Variants in CNTN4 observed in about 807,000 individuals in gnomAD.
The protein encoded by CNTN4 is contactin-4.
CNTN4 carries 77 observed loss-of-function variants against 122.5 expected under a neutral mutation model. The observed-to-expected ratio is 0.63, with a 90% confidence interval of 0.52 to 0.76. The LOEUF (loss-of-function observed/expected upper bound fraction) is 0.76, where lower values mean the gene tolerates loss of function less well. Ranked by LOEUF, CNTN4 falls within the 30% of genes least tolerant of loss-of-function variation. The pLI, the probability that CNTN4 is intolerant of heterozygous loss-of-function variation, is 0.00. For missense variants in CNTN4, 1,256 were observed against 1,259.1 expected, an observed-to-expected ratio of 1.00 and a Z score of 0.04; for synonymous variants, 512 against 447.0, an observed-to-expected ratio of 1.15 and a Z score of -1.83.
At chr3:2,672,722 C>T (rs901613868) in intron 4 of CNTN4, among the ~76,000 whole-genome samples, 11 of 152,214 alleles carry the variant, frequency 7.2e-5, no homozygotes, top group African/African-American at 2.4e-4. Flanking sequence ...GGAGCTGTTC[C>T]TATTCGGCCA....
chr3:2,298,815 A>G (rs2042402231), intron 2 of CNTN4, among the ~76,000 whole-genome samples: 1 of 152,178 alleles, frequency 6.6e-6, no homozygotes, highest in South Asian at 2.1e-4. Flanking sequence ...AAATTAACCT[A>G]TTACCTGTAT....
In CNTN4 at chr3:3,012,706, C is replaced by T. The variant is rs1377822307; in HGVS notation, c.1487-13396C>T. On this transcript the variant is annotated intron_variant, in intron 14 of 24. Coordinates refer to ENST00000418658, the MANE Select transcript of CNTN4 (RefSeq NM_175607.3). ...TGCATTGGCTGGGCGCCGTGGCTCA[C>T]GCCTGTAATCCCAGCACTTTGGGAG... 6.6e-5 allele frequency among the ~76,000 whole-genome samples: 10 copies of T among 152,258 alleles called. No individual in the cohort carries two copies. In the East Asian group the frequency reaches 1.2e-3, roughly 18 times the overall value.
At chr3:2,655,884 C>A (rs996288215) in intron 4 of CNTN4, among the ~76,000 whole-genome samples, 5 of 152,216 alleles carry the variant, frequency 3.3e-5, no homozygotes, top group African/African-American at 1.2e-4. Context: ...TTGCAAATAT[C>A]TGAATGCCCA....
chr3:2,464,855 T>C (rs1478512223), intron 3 of CNTN4, among the ~76,000 whole-genome samples: 1 of 152,220 alleles, frequency 6.6e-6, no homozygotes, highest in Non-Finnish European at 1.5e-5. Flanking sequence ...TCTCCTTCCC[T>C]GGCATGTAGC....
At chr3:2,997,693 A>G (rs1695656069) in intron 14 of CNTN4, among the ~76,000 whole-genome samples, 1 of 152,208 alleles carries the variant, frequency 6.6e-6, no homozygotes, top group Admixed American at 6.5e-5. Flanking sequence ...TCTCTGATTT[A>G]CTGTAGAAGA....
chr3:2,936,444 A>G (rs2094567828), intron 13 of CNTN4, among the ~76,000 whole-genome samples: 1 of 152,188 alleles, frequency 6.6e-6, no homozygotes, highest in Admixed American at 6.5e-5. Flanking sequence ...ATTTTAATGC[A>G]CACTCAGGTA....
intron 3 of CNTN4, among the ~76,000 whole-genome samples, chr3:2,417,975 G>A (rs1284189019): frequency 6.6e-6 from 1 of 152,122 alleles, no homozygotes; most frequent in Non-Finnish European, 1.5e-5. Context: ...TGGTTGCCAG[G>A]GATTTGGGGT....
chr3:2,622,567 C>T (rs989293614), intron 4 of CNTN4, among the ~76,000 whole-genome samples: 1 of 152,174 alleles, frequency 6.6e-6, no homozygotes, highest in African/African-American at 2.4e-5. Flanking sequence ...TGAGCCACCA[C>T]GCTCAGCTGG....
intron 2 of CNTN4, among the ~76,000 whole-genome samples, chr3:2,265,248 C>A (rs1309212426): frequency 6.6e-6 from 1 of 152,050 alleles, no homozygotes; most frequent in East Asian, 1.9e-4. Context: ...TTTTCTTTAT[C>A]CACTTATTGA....
intron 4 of CNTN4, among the ~76,000 whole-genome samples, chr3:2,575,944 C>G (rs1244383512): frequency 6.6e-6 from 1 of 151,240 alleles, no homozygotes; most frequent in Non-Finnish European, 1.5e-5. Flanking sequence ...GCATCAGCCT[C>G]CCGAGTAAGT....
chr3:2,891,513 A>C (rs80052173), intron 10 of CNTN4, among the ~76,000 whole-genome samples: 4,481 of 152,310 alleles, frequency 0.029, 210 homozygotes, highest in African/African-American at 0.1. Flanking sequence ...AAGATTTCAT[A>C]AGATGAAGTA....
intron 4 of CNTN4, among the ~76,000 whole-genome samples, chr3:2,671,973 G>T (rs575036103): frequency 6.6e-6 from 1 of 152,326 alleles, no homozygotes; most frequent in African/African-American, 2.4e-5. Flanking sequence ...CCTTCCTTTG[G>T]AAGTTTTGTC....
intron 3 of CNTN4, among the ~76,000 whole-genome samples, chr3:2,380,662 C>T (rs2150759243): frequency 6.6e-6 from 1 of 151,898 alleles, no homozygotes; most frequent in East Asian, 1.9e-4. Context: ...TTCAGTATAT[C>T]CAGATTGGAC....
chr3:2,663,404 A>G (rs1051140034), intron 4 of CNTN4, among the ~76,000 whole-genome samples: 1 of 152,196 alleles, frequency 6.6e-6, no homozygotes, highest in Non-Finnish European at 1.5e-5. Context: ...GGTACAGTCA[A>G]GAATATTTCC....
intron 7 of CNTN4, among the ~76,000 whole-genome samples, chr3:2,844,601 C>G (rs1192680640): frequency 6.6e-6 from 1 of 152,174 alleles, no homozygotes; most frequent in Non-Finnish European, 1.5e-5. Flanking sequence ...TTCCCCTTAT[C>G]TATCTGTATT....
At chr3:2,444,208 TAAAAA>T (rs36104812) in intron 3 of CNTN4, among the ~76,000 whole-genome samples, 4 of 136,340 alleles carry the variant, frequency 2.9e-5, no homozygotes, top group Admixed American at 7.2e-5. Flanking sequence ...TGTATTCTAG[TAAAAA>T]AAAAAAAAAA....
intron 3 of CNTN4, among the ~76,000 whole-genome samples, chr3:2,557,429 C>T (rs2078763914): frequency 6.6e-6 from 1 of 152,020 alleles, no homozygotes; most frequent in South Asian, 2.1e-4. Context: ...TTTTTTTCTT[C>T]ATTAATATGC....
chr3:2,615,594 G>A lies in CNTN4; in HGVS notation c.55+44036G>A, dbSNP rs1183610991. ...CTATTTCACTCTAAAAAAAAACTTAGAGGGCTAAGCAGCTTTATTGAAGTA... is the reference window on the plus strand; with the variant it reads ...CTATTTCACTCTAAAAAAAAACTTAAAGGGCTAAGCAGCTTTATTGAAGTA... On this transcript the variant is annotated intron_variant, in intron 4 of 24. Transcript: ENST00000418658. Among the ~76,000 whole-genome samples the A allele has an allele frequency of 1.3e-5, 2 of 151,974 alleles. 1 individual carries two copies. The highest frequency in any genetic ancestry group is 4.8e-5 in the African/African-American group (2 of 41,368).
At chr3:2,307,843 G>GA (rs1406387004) in intron 2 of CNTN4, among the ~76,000 whole-genome samples, 1 of 151,988 alleles carries the variant, frequency 6.6e-6, no homozygotes, top group African/African-American at 2.4e-5. Flanking sequence ...TTGGTTTCTT[G>GA]AAAATTTTTG....
Sources: gnomAD v4.1 joint callset for allele counts (sites outside exome capture counted in the v4.1 genomes callset) on GRCh38, gnomAD v4.1.1 for gene constraint, MANE v1.5 for transcripts, NCBI Gene and HGNC (gene_info 2026-07-23, HGNC 2026-07-21) for gene names.